Variants in GBP7 observed in about 807,000 individuals in gnomAD.
The protein encoded by GBP7 is guanylate-binding protein 7.
A neutral mutation model predicts 61.3 loss-of-function variants in GBP7; 43 were observed. That is an observed-to-expected ratio of 0.70 (90% CI 0.55 to 0.91). GBP7 has a LOEUF of 0.91. Ranked by LOEUF, GBP7 falls within the 40% of genes least tolerant of loss-of-function variation. The pLI is 0.00. For synonymous variants in GBP7, 267 were observed against 271.0 expected (o/e 0.99, Z 0.14); for missense variants, 717 against 740.5 (o/e 0.97, Z 0.37).
At position 89,164,912 on chromosome 1, in the gene GBP7, A is replaced by T. The variant is rs1323503914; in HGVS notation, c.191-54T>A. 3.1e-6 allele frequency: 5 copies of T among 1,593,906 alleles called. No individual in the cohort carries two copies. In the Admixed American group the frequency reaches 8.5e-5, roughly 27 times the overall value. Reference sequence around the variant, plus strand: ...AGTGACAGCAGAATCCAGGCAGACAAGGCCTATACCAGTTAAATGTATAGG... The same window carrying T: ...AGTGACAGCAGAATCCAGGCAGACATGGCCTATACCAGTTAAATGTATAGG... On this transcript the variant is annotated intron_variant, in intron 2 of 10. Coordinates refer to ENST00000294671, the MANE Select transcript of GBP7 (RefSeq NM_207398.3).
Position 89,147,606 on chromosome 1 carries a change from A to C in GBP7, c.1326T>G (p.Ile442Met). ...TGGGCACTAGTGTATAGTCCTGTTC[A>C]ATCTTCTTTTTTGCTTCTAAGTAGA... ...HNIYLEAKKK[I>M]EQDYTLVPRK... is the part of the protein sequence containing the mutation. The change falls in exon 8 of 11, where the codon ATT becomes ATG. Residue 442 changes from isoleucine to methionine, a missense_variant. Coordinates refer to ENST00000294671, the MANE Select transcript of GBP7 (RefSeq NM_207398.3). 1 of 1,614,094 alleles carries C rather than the reference A, an allele frequency of 6.2e-7. No homozygotes were observed. Among genetic ancestry groups the C allele is most frequent in the Non-Finnish European group, 8.5e-7 (1 of 1,179,966 alleles).
At chr1:89,141,711 A>G in intron 8 of GBP7, 63 bp from the exon 9 acceptor site, 1 of 1,287,146 alleles carries the variant, frequency 7.8e-7, no homozygotes, top group Non-Finnish European at 1.1e-6. Context: ...GTGATGAGGA[A>G]ATTATTGTTC....
At chr1:89,169,072 G>A (rs923075149) in intron 2 of GBP7, among the ~76,000 whole-genome samples, 5 of 152,088 alleles carry the variant, frequency 3.3e-5, no homozygotes, top group Non-Finnish European at 4.4e-5. Flanking sequence ...AAGGCAAATG[G>A]AAAATCTCAA....
At chr1:89,147,478 T>C (rs775840360) in intron 8 of GBP7, 89 bp downstream of exon 8, 6 of 974,134 alleles carry the variant, frequency 6.2e-6, no homozygotes, top group South Asian at 1.4e-5. Flanking sequence ...TGTCGATAAA[T>C]GGTGCTGTGT....
chr1:89,155,378 C>T lies in GBP7; in HGVS notation c.319-2601G>A, dbSNP rs149127228. Among the ~76,000 whole-genome samples, 736 of 152,306 alleles carry T rather than the reference C, an allele frequency of 4.8e-3. 4 individuals are homozygous for T. The highest frequency in any genetic ancestry group is 0.016 in the African/African-American group (681 of 41,580). On this transcript the variant is annotated intron_variant, in intron 3 of 10. Coordinates refer to ENST00000294671, the MANE Select transcript of GBP7 (RefSeq NM_207398.3). ...ACTTTGACAAGTTGAGAGAAGAAGG[C>T]TTCAGACAATCAGTAGTAACAAACT...
Position 89,152,730 on chromosome 1 carries a change from T to C in GBP7, c.366A>G (p.Leu122=), listed in dbSNP as rs1211150576. ...TGCTGTTGTAGACAAAGCTGCTGCT[T>C]AGAAGCACAGCCAGGGCAAAGATCC... ...DSWIFALAVL[L]SSSFVYNSMG... Residue 122 remains leucine, a synonymous_variant, in exon 4 of 11, where the codon CTA becomes CTG. Transcript: ENST00000294671. 1.2e-6 allele frequency: 2 copies of C among 1,612,630 alleles called. No individual in the cohort carries two copies. Among genetic ancestry groups the C allele is most frequent in the Non-Finnish European group, 1.7e-6 (2 of 1,179,890 alleles).
At chr1:89,158,629 A>G (rs1291183465) in intron 3 of GBP7, among the ~76,000 whole-genome samples, 1 of 152,064 alleles carries the variant, frequency 6.6e-6, no homozygotes, top group African/African-American at 2.4e-5. Context: ...AAGAGAATAA[A>G]ATACCTAGGA....
chr1:89,154,807 A>AAAAGT (rs1553125736), intron 3 of GBP7, among the ~76,000 whole-genome samples: 1 of 151,282 alleles, frequency 6.6e-6, no homozygotes, highest in Non-Finnish European at 1.5e-5. Context: ...AAAATTTAAA[A>AAAAGT]AAAATAAAGA....
chr1:89,141,436 T>C, intron 9 of GBP7, 110 bp downstream of exon 9: 1 of 839,540 alleles, frequency 1.2e-6, no homozygotes, highest in Non-Finnish European at 1.9e-6. Context: ...GAGCATGTGT[T>C]CCCTATGAGA....
At chr1:89,152,636 A>G in intron 4 of GBP7, 32 bp downstream of exon 4, 1 of 1,598,202 alleles carries the variant, frequency 6.3e-7, no homozygotes, top group Non-Finnish European at 8.5e-7. Context: ...TAAACTCCAT[A>G]AAACCTGGCT....
chr1:89,161,028 A>G (rs1647252685), intron 3 of GBP7, among the ~76,000 whole-genome samples: 1 of 152,148 alleles, frequency 6.6e-6, no homozygotes, highest in African/African-American at 2.4e-5. Context: ...AAGTGAGAAC[A>G]TGTGGTATTT....
intron 3 of GBP7, among the ~76,000 whole-genome samples, chr1:89,162,365 G>T (rs1188697037): frequency 6.6e-6 from 1 of 152,082 alleles, no homozygotes; most frequent in African/African-American, 2.4e-5. Context: ...AATTGCTTTG[G>T]GCAGTAAGGT....
At chr1:89,147,485 G>T in intron 8 of GBP7, 82 bp downstream of exon 8, 1 of 1,060,204 alleles carries the variant, frequency 9.4e-7, no homozygotes, top group Non-Finnish European at 1.4e-6. Context: ...AAATGGTGCT[G>T]TGTTCTTAGA....
At chr1:89,164,954 C>A (rs1335485095) in intron 2 of GBP7, 96 bp from the exon 3 acceptor site, 11 of 1,242,864 alleles carry the variant, frequency 8.9e-6, no homozygotes, top group Non-Finnish European at 1.2e-5. Flanking sequence ...AAGTTCCTGG[C>A]AGGGGAAACG....
intron 9 of GBP7, among the ~76,000 whole-genome samples, chr1:89,136,336 C>T (rs1011144858): frequency 6.6e-6 from 1 of 152,148 alleles, no homozygotes; most frequent in Non-Finnish European, 1.5e-5. Context: ...ACAGAACACT[C>T]CACCCAACAA....
intron 5 of GBP7, 127 bp from the exon 6 acceptor site, chr1:89,150,702 C>A: frequency 1.1e-6 from 1 of 949,622 alleles, no homozygotes; most frequent in Non-Finnish European, 1.6e-6. Context: ...TCTATGTAAT[C>A]AAACCTCTCA....
At chr1:89,164,061 G>A (rs1229552294) in intron 3 of GBP7, among the ~76,000 whole-genome samples, 1 of 151,954 alleles carries the variant, frequency 6.6e-6, no homozygotes, top group Non-Finnish European at 1.5e-5. Flanking sequence ...GTAGAGATGG[G>A]GTTTCACCAT....
Position 89,132,195 on chromosome 1 carries a change from G to A in GBP7, c.1871C>T (p.Ser624Leu). Residue 624 changes from serine to leucine, a missense_variant, in exon 11 of 11, where the codon TCA (serine) becomes TTA (leucine). Physicochemically the swap from Ser to Leu is moderately radical, Grantham distance 145. Coordinates refer to ENST00000294671, the MANE Select transcript of GBP7 (RefSeq NM_207398.3). ...LVDLGMKILS[S>L]LCNRLRNPGK... ...AGGATTTCTCAGCCTATTACATAAT[G>A]AGCTAAGAATTTTCATTCCTAAATC... 6.2e-7 allele frequency: 1 copy of A among 1,612,110 alleles called. No individual in the cohort carries two copies. The highest frequency in any genetic ancestry group is 1.3e-5 in the African/African-American group (1 of 74,996).
chr1:89,162,229 G>A (rs946030266), intron 3 of GBP7, among the ~76,000 whole-genome samples: 1 of 152,120 alleles, frequency 6.6e-6, no homozygotes, highest in African/African-American at 2.4e-5. Flanking sequence ...TTTTTGCTTA[G>A]AATTGCGTTG....
Sources: gnomAD v4.1 joint callset for allele counts (sites outside exome capture counted in the v4.1 genomes callset) on GRCh38, gnomAD v4.1.1 for gene constraint, MANE v1.5 for transcripts, NCBI Gene and HGNC (gene_info 2026-07-23, HGNC 2026-07-21) for gene names.